LARP1B: variants seen among roughly 807,000 people sequenced by gnomAD.
The protein encoded by LARP1B is la-related protein 1B.
LARP1B carries 76 observed loss-of-function variants against 114.2 expected under a neutral mutation model. That is an observed-to-expected ratio of 0.67 (90% CI 0.55 to 0.81). The LOEUF (loss-of-function observed/expected upper bound fraction) is 0.81. Among genes scored for constraint, LARP1B ranks in the 30% least tolerant of loss-of-function variants. The pLI, the probability that LARP1B is intolerant of heterozygous loss-of-function variation, is 0.00. For missense variants in LARP1B, 1,014 were observed against 1,075.8 expected (o/e 0.94, Z 0.80); for synonymous variants, 345 against 348.0 (o/e 0.99, Z 0.10).
intron 9 of LARP1B, among the ~76,000 whole-genome samples, chr4:128,110,857 C>T (rs1462819706): frequency 2.0e-5 from 3 of 151,480 alleles, no homozygotes; most frequent in South Asian, 2.1e-4. Flanking sequence ...TATTGAAATA[C>T]TTTACTTCCC....
intron 15 of LARP1B, among the ~76,000 whole-genome samples, chr4:128,186,272 A>G (rs1370704558): frequency 6.6e-6 from 1 of 152,016 alleles, no homozygotes; most frequent in African/African-American, 2.4e-5. Context: ...TGAGATTTTA[A>G]CAATGTTAAT....
chr4:128,140,553 T>C (rs1286936247), intron 11 of LARP1B, among the ~76,000 whole-genome samples: 1 of 152,142 alleles, frequency 6.6e-6, no homozygotes, highest in Admixed American at 6.5e-5. Context: ...AATTTGTTCA[T>C]TGTGGGGGCT....
At chr4:128,155,690 G>GC in intron 11 of LARP1B, 1 of 1,606,024 alleles carries the variant, frequency 6.2e-7, no homozygotes, top group South Asian at 1.1e-5. Context: ...GAACAGATCA[G>GC]CCCGGAGGAA....
At chr4:128,118,232 ATT>A (rs771418969) in intron 10 of LARP1B, among the ~76,000 whole-genome samples, 11 of 93,486 alleles carry the variant, frequency 1.2e-4, no homozygotes, top group Admixed American at 1.2e-4. Context: ...AGTCAGGTCT[ATT>A]TTTTTTTTTT....
At chr4:128,087,437 TTAAAAA>T (rs1393833521) in intron 5 of LARP1B, among the ~76,000 whole-genome samples, 1 of 152,154 alleles carries the variant, frequency 6.6e-6, no homozygotes, top group African/African-American at 2.4e-5. Flanking sequence ...TGTATTTTGA[TTAAAAA>T]AATTTCCAAT....
chr4:128,077,890 G>A lies in LARP1B; in HGVS notation c.145G>A (p.Glu49Lys), dbSNP rs1768625500. Residue 49 changes from glutamate to lysine, a missense_variant, in exon 4 of 20, where the codon GAA becomes AAA. Coordinates refer to ENST00000326639, the MANE Select transcript of LARP1B (RefSeq NM_018078.4). ...RSNSDSKENR[E>K]TKLNGPGENV... The stretch of plus-strand genomic sequence containing the variant: ...TAACAGTGACAGCAAAGAAAACCGG[G>A]AAACAAAATTAAATGGTCCTGGTGA... The A allele has an allele frequency of 6.2e-7, 1 of 1,613,642 alleles. No homozygotes were observed.
At chr4:128,069,124 G>C in intron 1 of LARP1B, 1 of 1,088,958 alleles carries the variant, frequency 9.2e-7, no homozygotes, top group Non-Finnish European at 1.4e-6. Context: ...TGGCTCTTTC[G>C]GCCTGCAGAT....
At chr4:128,107,053 C>T in intron 8 of LARP1B, 86 bp from the exon 9 acceptor site, 2 of 1,095,192 alleles carry the variant, frequency 1.8e-6, no homozygotes, top group Non-Finnish European at 2.6e-6. Context: ...TTGCTAATTT[C>T]AGGTTTTCAA....
chr4:128,220,399 T>C (rs1025543260), exon 7 of LARP1B: 1 of 949,864 alleles, frequency 1.1e-6, no homozygotes, highest in African/African-American at 1.8e-5. Flanking sequence ...CACCATGAGA[T>C]GGCAAAACGG....
chr4:128,098,747 G>GTGTA, intron 8 of LARP1B, among the ~76,000 whole-genome samples: 1 of 15,592 alleles, frequency 6.4e-5, no homozygotes, highest in African/African-American at 1.9e-4. Context: ...ATATGTATGT[G>GTGTA]TATATATATA....
chr4:128,209,459 C>T (rs911106804), intron 19 of LARP1B, among the ~76,000 whole-genome samples: 5 of 151,872 alleles, frequency 3.3e-5, no homozygotes, highest in Non-Finnish European at 7.4e-5. Context: ...AAAAAACACT[C>T]GGGCTACAGA....
chr4:128,102,741 T>C (rs1780739044), intron 8 of LARP1B, among the ~76,000 whole-genome samples: 1 of 152,242 alleles, frequency 6.6e-6, no homozygotes. Context: ...ACCAGTTGTA[T>C]AACTAAGCAA....
At chr4:128,182,435 G>A (rs1748864669) in intron 15 of LARP1B, among the ~76,000 whole-genome samples, 1 of 152,154 alleles carries the variant, frequency 6.6e-6, no homozygotes, top group Non-Finnish European at 1.5e-5. Flanking sequence ...ATGGTGATCT[G>A]TGATTAGTGA....
intron 5 of LARP1B, among the ~76,000 whole-genome samples, chr4:128,086,009 C>CTTTTTTTTTTTTT (rs143345158): frequency 1.1e-5 from 1 of 91,262 alleles, no homozygotes; most frequent in African/African-American, 4.2e-5. Context: ...TCATGGTATT[C>CTTTTTTTTTTTTT]TTTTTTTTTT....
rs553246213 is a variant in LARP1B, at chr4:128,095,102, A to G, written c.669-3084A>G. Among the ~76,000 whole-genome samples, 5 of 152,306 alleles carry G rather than the reference A, an allele frequency of 3.3e-5. No individual in the cohort carries two copies. In the East Asian group the frequency reaches 7.7e-4, roughly 24 times the overall value. On this transcript the variant is annotated intron_variant, in intron 7 of 19. Coordinates refer to ENST00000326639, the MANE Select transcript of LARP1B (RefSeq NM_018078.4). ...ATTATGTATCTGCCACATGCCAGAC[A>G]CTATGAATAAGGCTTTTGAGGTGTA...
At chr4:128,135,453 AAG>A (rs1793067089) in intron 11 of LARP1B, among the ~76,000 whole-genome samples, 1 of 152,198 alleles carries the variant, frequency 6.6e-6, no homozygotes, top group Non-Finnish European at 1.5e-5. Flanking sequence ...CAGGATCTCT[AAG>A]AGGTATTTGC....
At chr4:128,219,214 A>C (rs1268291286) in intron 6 of LARP1B, among the ~76,000 whole-genome samples, 3 of 147,036 alleles carry the variant, frequency 2.0e-5, no homozygotes, top group East Asian at 4.1e-4. Context: ...AAACTAGTTC[A>C]ACCATTGTGG....
rs1415741046 is a variant in LARP1B, at chr4:128,176,298, TA to T, written c.1649-573del. On this transcript the variant is annotated intron_variant, in intron 12 of 19. Coordinates refer to ENST00000326639, the MANE Select transcript of LARP1B (RefSeq NM_018078.4). ...GTGTGTGTGTGTGTATATATATATA[TA>T]TATTTTTTTTTTAGATGAAGTCTTG... is the stretch of plus-strand genomic sequence containing the variant. Among the ~76,000 whole-genome samples the T allele has an allele frequency of 3.0e-3, 441 of 146,032 alleles. 1 individual carries two copies. Among genetic ancestry groups the T allele is most frequent in the African/African-American group, 4.9e-3 (196 of 39,944 alleles).
At chr4:128,133,014 A>C (rs888836390) in intron 11 of LARP1B, among the ~76,000 whole-genome samples, 1 of 152,060 alleles carries the variant, frequency 6.6e-6, no homozygotes, top group Non-Finnish European at 1.5e-5. Context: ...AATAGGGTTC[A>C]TGCTCCTATG....
Sources: gnomAD v4.1 joint callset for allele counts (sites outside exome capture counted in the v4.1 genomes callset) on GRCh38, gnomAD v4.1.1 for gene constraint, MANE v1.5 for transcripts, NCBI Gene and HGNC (gene_info 2026-07-23, HGNC 2026-07-21) for gene names.